Variants in SLC25A21 observed in about 807,000 individuals in gnomAD.
SLC25A21 encodes the protein mitochondrial 2-oxodicarboxylate carrier.
SLC25A21 carries 47 observed loss-of-function variants against 43.8 expected under a neutral mutation model. The observed-to-expected ratio is 1.07, with a 90% CI of 0.85 to 1.37. The LOEUF (loss-of-function observed/expected upper bound fraction) is 1.37, where lower values mean the gene tolerates loss of function less well. Ranked by LOEUF, SLC25A21 falls within the 40% of genes most tolerant of loss-of-function variation. The probability of loss-of-function intolerance (pLI) is 0.00; values close to 1 mark genes in which losing one functional copy is unlikely to be tolerated. For missense variants in SLC25A21, 352 were observed against 350.2 expected, an observed-to-expected ratio of 1.00 and a Z score of -0.04; for synonymous variants, 131 against 121.3, an observed-to-expected ratio of 1.08 and a Z score of -0.52.
intron 1 of SLC25A21, among the ~76,000 whole-genome samples, chr14:36,963,077 T>C (rs1959532295): frequency 6.6e-6 from 1 of 152,138 alleles, no homozygotes. Context: ...TTATTCCATA[T>C]TTTTTTGAGT....
intron 7 of SLC25A21, among the ~76,000 whole-genome samples, chr14:36,698,744 T>C (rs2139165901): frequency 6.6e-6 from 1 of 152,324 alleles, no homozygotes; most frequent in South Asian, 2.1e-4. Context: ...GAAGTTCTCG[T>C]GCCATGGTTT....
chr14:36,925,879 A>G (rs1892118309), intron 1 of SLC25A21, among the ~76,000 whole-genome samples: 1 of 152,144 alleles, frequency 6.6e-6, no homozygotes, highest in African/African-American at 2.4e-5. Flanking sequence ...CAGAGCTTCA[A>G]AATACATGAA....
chr14:37,142,374 T>A (rs1219710651), intron 1 of SLC25A21, among the ~76,000 whole-genome samples: 1 of 152,128 alleles, frequency 6.6e-6, no homozygotes, highest in Non-Finnish European at 1.5e-5. Context: ...TTATATTCCT[T>A]TTTGGAGACA....
intron 1 of SLC25A21, among the ~76,000 whole-genome samples, chr14:37,050,308 A>G (rs1655272383): frequency 6.6e-6 from 1 of 152,266 alleles, no homozygotes; most frequent in Admixed American, 6.5e-5. Flanking sequence ...TATCTAATAC[A>G]GTAAGTAATA....
intron 1 of SLC25A21, among the ~76,000 whole-genome samples, chr14:36,898,992 TAGTC>T (rs1371578176): frequency 3.3e-5 from 5 of 152,240 alleles, no homozygotes; most frequent in Admixed American, 6.5e-5. Flanking sequence ...TGGCTAGATT[TAGTC>T]AGTCCACTAT....
chr14:36,768,941 A>C (rs990167197), intron 3 of SLC25A21, among the ~76,000 whole-genome samples: 3 of 144,258 alleles, frequency 2.1e-5, no homozygotes, highest in African/African-American at 8.2e-5. Context: ...ACCAAAAAAA[A>C]AAAAAACAAA....
At chr14:36,888,432 A>G (rs1360508994) in intron 1 of SLC25A21, among the ~76,000 whole-genome samples, 1 of 152,104 alleles carries the variant, frequency 6.6e-6, no homozygotes, top group Non-Finnish European at 1.5e-5. Flanking sequence ...TTGCCACTCT[A>G]CTGTGCAGAA....
intron 1 of SLC25A21, among the ~76,000 whole-genome samples, chr14:37,113,537 A>G (rs1474104122): frequency 6.6e-6 from 1 of 152,124 alleles, no homozygotes; most frequent in Admixed American, 6.6e-5. Context: ...ACCATATACA[A>G]TTATTGTAAC....
chr14:36,780,318 T>C (rs114723969), intron 3 of SLC25A21, among the ~76,000 whole-genome samples: 375 of 152,148 alleles, frequency 2.5e-3, no homozygotes, highest in African/African-American at 8.5e-3. Context: ...TGTTTTTTCA[T>C]CTCTTGTTCA....
At chr14:37,160,293 T>C (rs922766551) in intron 1 of SLC25A21, among the ~76,000 whole-genome samples, 5 of 152,242 alleles carry the variant, frequency 3.3e-5, no homozygotes, top group African/African-American at 9.6e-5. Context: ...CTATTCACTA[T>C]AGCAAACACA....
rs1428051339 is a variant in SLC25A21 at position 36,868,124 on chromosome 14, AGT to A, written c.119+6830_119+6831del. 6.2e-5 allele frequency among the ~76,000 whole-genome samples: 9 copies of A among 145,726 alleles called. No individual in the cohort carries two copies. In the Admixed American group the frequency reaches 6.4e-4, roughly 10 times the overall value. On this transcript the variant is annotated intron_variant, in intron 2 of 9. Transcript: ENST00000331299. ...AAAGGAGGGAGAGAGGGAGAAAGAG[AGT>A]GTATCAGAGAAATATAATTAAAGAT... is the stretch of plus-strand genomic sequence containing the variant.
At chr14:36,791,745 C>T (rs1887491555) in intron 3 of SLC25A21, among the ~76,000 whole-genome samples, 1 of 152,044 alleles carries the variant, frequency 6.6e-6, no homozygotes, top group Non-Finnish European at 1.5e-5. Flanking sequence ...GGGGATTAAC[C>T]ACCCCGCTTT....
intron 1 of SLC25A21, among the ~76,000 whole-genome samples, chr14:37,080,672 T>C (rs1297886815): frequency 2.6e-5 from 4 of 152,176 alleles, no homozygotes; most frequent in African/African-American, 9.7e-5. Flanking sequence ...ATTGAACAAA[T>C]GAATGAATTT....
chr14:37,146,882 G>A (rs962567834), intron 1 of SLC25A21, among the ~76,000 whole-genome samples: 4 of 152,142 alleles, frequency 2.6e-5, no homozygotes, highest in African/African-American at 9.7e-5. Context: ...AAAAATGCAG[G>A]TATTTTCCAA....
intron 1 of SLC25A21, among the ~76,000 whole-genome samples, chr14:36,945,363 C>A (rs1166140365): frequency 6.6e-6 from 1 of 152,092 alleles, no homozygotes; most frequent in Non-Finnish European, 1.5e-5. Context: ...CACTTCTGGG[C>A]ATATACCCCA....
intron 1 of SLC25A21, among the ~76,000 whole-genome samples, chr14:37,053,459 G>T (rs1961754155): frequency 6.6e-6 from 1 of 152,010 alleles, no homozygotes; most frequent in Non-Finnish European, 1.5e-5. Flanking sequence ...AGGTTAAAAG[G>T]AAAGAAAGGT....
chr14:36,903,679 AT>A (rs1203154989), intron 1 of SLC25A21, among the ~76,000 whole-genome samples: 1 of 135,360 alleles, frequency 7.4e-6, no homozygotes, highest in Admixed American at 7.4e-5. Flanking sequence ...GAGTTTTCAC[AT>A]AAAAAAAAAT....
intron 2 of SLC25A21, among the ~76,000 whole-genome samples, chr14:36,868,462 C>G (rs891874090): frequency 3.9e-5 from 6 of 152,138 alleles, no homozygotes; most frequent in African/African-American, 1.4e-4. Flanking sequence ...TGCGGCTGGC[C>G]TCTGCTAACA....
At position 36,814,395 on chromosome 14, in the gene SLC25A21, C is replaced by A. The variant is rs559748281; in HGVS notation, c.120-394G>T. On this transcript the variant is annotated intron_variant, in intron 2 of 9. Coordinates refer to ENST00000331299, the MANE Select transcript of SLC25A21 (RefSeq NM_030631.4). ...ATTTCTTATAAGTCTTCCTTGATGG[C>A]AATTTAGTATGAAGGTTAAAAATAC... is the stretch of plus-strand genomic sequence containing the variant. Among the ~76,000 whole-genome samples the A allele has an allele frequency of 5.3e-5, 8 of 151,734 alleles. No individual in the cohort carries two copies. The South Asian group carries it at 1.5e-3, about 28-fold the overall frequency.
Sources: gnomAD v4.1 joint callset for allele counts (sites outside exome capture counted in the v4.1 genomes callset) on GRCh38, gnomAD v4.1.1 for gene constraint, MANE v1.5 for transcripts, NCBI Gene and HGNC (gene_info 2026-07-23, HGNC 2026-07-21) for gene names.